Variants in FAM204A observed in about 807,000 individuals in gnomAD.
FAM204A encodes family with sequence similarity 204 member A.
FAM204A carries 16 observed loss-of-function variants against 35.4 expected under a neutral mutation model. That is an observed-to-expected ratio of 0.45 (90% CI 0.31 to 0.69). The LOEUF (loss-of-function observed/expected upper bound fraction) is 0.69. Ranked by LOEUF, FAM204A falls within the 30% of genes least tolerant of loss-of-function variation. The pLI, the probability that FAM204A is intolerant of heterozygous loss-of-function variation, is 0.07. For missense variants in FAM204A, 240 were observed against 265.7 expected, an observed-to-expected ratio of 0.90 and a Z score of 0.67; for synonymous variants, 76 against 86.9, an observed-to-expected ratio of 0.88 and a Z score of 0.70.
intron 2 of FAM204A, among the ~76,000 whole-genome samples, chr10:118,338,061 C>G (rs967564091): frequency 6.6e-6 from 1 of 152,138 alleles, no homozygotes; most frequent in Non-Finnish European, 1.5e-5. Context: ...GGGCAAATTA[C>G]TAGGAAGATA....
chr10:118,339,869 C>T (rs933561738), intron 2 of FAM204A, among the ~76,000 whole-genome samples: 2 of 152,188 alleles, frequency 1.3e-5, no homozygotes, highest in African/African-American at 4.8e-5. Flanking sequence ...TTGCCATGAA[C>T]TGAAAATATT....
rs571417115 is a variant in FAM204A at position 118,308,262 on chromosome 10, A to G, written c.*2595T>C. 6.6e-6 allele frequency: 1 copy of G among 152,334 alleles called. No homozygotes were observed. Among genetic ancestry groups the G allele is most frequent in the East Asian group, 1.9e-4 (1 of 5,190 alleles). The allele number at this position is 152,334 out of a possible 1,614,324, so 9.4% of individuals were successfully genotyped here. ...GTTAACAATAACTGACGTTTACATT[A>G]CTGATCTAACTCAGGCATTCTGGTG... On this transcript the variant is annotated 3_prime_UTR_variant, in exon 9 of 9. Coordinates refer to ENST00000369183, the MANE Select transcript of FAM204A (RefSeq NM_022063.3).
chr10:118,318,652 G>A (rs1846066259), intron 7 of FAM204A, among the ~76,000 whole-genome samples: 1 of 151,896 alleles, frequency 6.6e-6, no homozygotes, highest in Non-Finnish European at 1.5e-5. Flanking sequence ...TCAGAAACGT[G>A]GCTGTCAAGA....
chr10:118,313,607 T>C (rs1054744964), intron 7 of FAM204A, among the ~76,000 whole-genome samples: 2 of 152,188 alleles, frequency 1.3e-5, no homozygotes, highest in African/African-American at 4.8e-5. Flanking sequence ...ATTCAGTCTC[T>C]TTCCTCTTCC....
At position 118,301,536 on chromosome 10, in the gene FAM204A, T is replaced by A. The variant is rs1434227110; in HGVS notation, c.*9321A>T. 6.6e-6 allele frequency: 1 copy of A among 152,102 alleles called. No homozygotes were observed. The highest frequency in any genetic ancestry group is 1.9e-4 in the East Asian group (1 of 5,180). 9.4% of individuals were successfully genotyped at this position (152,102 alleles called of 1,614,324 possible). ...AGCATGTCTGTTCTTTGCTCTAGAG[T>A]GAGACACTATCTCAATCTTCCAAGG... On this transcript the variant is annotated 3_prime_UTR_variant, in exon 9 of 9. Transcript: ENST00000369183.
chr10:118,318,854 AG>A (rs1472637528), intron 7 of FAM204A, among the ~76,000 whole-genome samples: 2 of 151,950 alleles, frequency 1.3e-5, no homozygotes, highest in African/African-American at 4.8e-5. Flanking sequence ...TCAAAATTTA[AG>A]CAAATGTTTT....
At position 118,337,342 on chromosome 10, in the gene FAM204A, A is replaced by G. The variant is rs117058033; in HGVS notation, c.-8-919T>C. 2.8e-3 allele frequency: 1,492 copies of G among 525,676 alleles called. 5 individuals are homozygous for G. Among genetic ancestry groups the G allele is most frequent in the Middle Eastern group, 2.9e-3 (3 of 1,046 alleles). 32.6% of individuals were successfully genotyped at this position (525,676 alleles called of 1,614,324 possible). Reference sequence around the variant, plus strand: ...TTGTACTGCTCATGATTTACTATCAATATGAAGGAATAAAATGGAAGGACG... The same window carrying G: ...TTGTACTGCTCATGATTTACTATCAGTATGAAGGAATAAAATGGAAGGACG... On this transcript the variant is annotated intron_variant, in intron 2 of 8. Transcript: ENST00000369183.
intron 6 of FAM204A, among the ~76,000 whole-genome samples, chr10:118,333,358 T>A (rs1174222668): frequency 6.6e-6 from 1 of 152,218 alleles, no homozygotes; most frequent in African/African-American, 2.4e-5. Context: ...TCTAACTGCA[T>A]CACAGATTTT....
intron 6 of FAM204A, among the ~76,000 whole-genome samples, chr10:118,327,962 C>A (rs1294000916): frequency 6.6e-6 from 1 of 152,138 alleles, no homozygotes; most frequent in African/African-American, 2.4e-5. Context: ...GACCCTGTCT[C>A]TTAAAAACAA....
intron 7 of FAM204A, among the ~76,000 whole-genome samples, chr10:118,312,519 G>A (rs192223074): frequency 4.9e-4 from 74 of 152,274 alleles, no homozygotes; most frequent in Non-Finnish European, 8.7e-4. Flanking sequence ...GGATGAAATC[G>A]ACAAGTAGTA....
intron 7 of FAM204A, among the ~76,000 whole-genome samples, chr10:118,316,959 G>T (rs1167519839): frequency 6.6e-6 from 1 of 152,030 alleles, no homozygotes; most frequent in Non-Finnish European, 1.5e-5. Context: ...GGGGAAAAAA[G>T]CATTAAAAAA....
intron 7 of FAM204A, among the ~76,000 whole-genome samples, chr10:118,316,763 A>G (rs890070058): frequency 4.6e-5 from 7 of 152,090 alleles, no homozygotes; most frequent in African/African-American, 1.4e-4. Flanking sequence ...ATATGTGCAT[A>G]TATGATTCAT....
At chr10:118,330,563 G>T (rs923262813) in intron 6 of FAM204A, among the ~76,000 whole-genome samples, 1 of 152,096 alleles carries the variant, frequency 6.6e-6, no homozygotes, top group East Asian at 1.9e-4. Context: ...AACCCTCCTA[G>T]AAATAAAAAT....
chr10:118,331,837 T>C (rs1846293230), intron 6 of FAM204A, among the ~76,000 whole-genome samples: 2 of 116,088 alleles, frequency 1.7e-5, no homozygotes, highest in Admixed American at 1.7e-4. Flanking sequence ...CATAATTTTG[T>C]TACCTTTATA....
chr10:118,312,166 G>C (rs1564753831), intron 7 of FAM204A, among the ~76,000 whole-genome samples: 1 of 152,206 alleles, frequency 6.6e-6, no homozygotes, highest in Non-Finnish European at 1.5e-5. Flanking sequence ...TGTGCTCTTA[G>C]TTTTAAAATG....
rs1489125908 is a variant in FAM204A, at chr10:118,306,883, A to C, written c.*3974T>G. Reference sequence around the variant, plus strand: ...GCAGTTAACACTAGAAAATGTGTGTAGGTATTTTTTTCTTTTAAAGCAAGC... The same window carrying C: ...GCAGTTAACACTAGAAAATGTGTGTCGGTATTTTTTTCTTTTAAAGCAAGC... On this transcript the variant is annotated 3_prime_UTR_variant, in exon 9 of 9. Coordinates refer to ENST00000369183, the MANE Select transcript of FAM204A (RefSeq NM_022063.3). The C allele has an allele frequency of 6.6e-6, 1 of 152,200 alleles. No homozygotes were observed. Among genetic ancestry groups the C allele is most frequent in the Non-Finnish European group, 1.5e-5 (1 of 68,028 alleles). The allele number at this position is 152,200 out of a possible 1,614,324, so 9.4% of individuals were successfully genotyped here. A position where few individuals can be genotyped will look rare whatever the true frequency, so the allele number is the denominator to read the frequency against.
rs767552682 is a variant in FAM204A at position 118,335,386 on chromosome 10, T to G, written c.353+10A>C. 6.3e-7 allele frequency: 1 copy of G among 1,587,862 alleles called. No homozygotes were observed. Among genetic ancestry groups the G allele is most frequent in the Admixed American group, 1.8e-5 (1 of 55,950 alleles). Reference sequence around the variant, plus strand: ...GCCTAAAATAGATAACTATTTTAAATTCTACCTACCTATGTAATTCTTTTT... The same window carrying G: ...GCCTAAAATAGATAACTATTTTAAAGTCTACCTACCTATGTAATTCTTTTT... On this transcript the variant is annotated intron_variant, in intron 5 of 8. Transcript: ENST00000369183.
chr10:118,317,915 G>C (rs537738222), intron 7 of FAM204A, among the ~76,000 whole-genome samples: 1 of 152,126 alleles, frequency 6.6e-6, no homozygotes. Context: ...TAATGAATGA[G>C]AGCGAGTTCT....
intron 7 of FAM204A, among the ~76,000 whole-genome samples, chr10:118,321,724 CAAAAAAAA>C (rs200200755): frequency 0.048 from 4,155 of 87,312 alleles, 201 homozygotes; most frequent in African/African-American, 0.16. Context: ...TATGACAAAG[CAAAAAAAA>C]AAAAAAAAAA....
Sources: allele counts gnomAD v4.1 joint callset (sites outside exome capture counted in the v4.1 genomes callset), GRCh38; gene constraint gnomAD v4.1.1; transcripts MANE v1.5; gene names NCBI Gene and HGNC (gene_info 2026-07-23, HGNC 2026-07-21).